CTPS1: variants seen among roughly 807,000 people sequenced by gnomAD.
CTPS1 encodes CTP synthetase 1.
A neutral mutation model predicts 80.5 loss-of-function variants in CTPS1; 25 were observed. That is an observed-to-expected ratio of 0.31 (90% CI 0.23 to 0.43). The LOEUF is 0.43. Ranked by LOEUF, CTPS1 falls within the 20% of genes least tolerant of loss-of-function variation. The pLI is 1.00. For missense variants in CTPS1, 442 were observed against 725.7 expected (o/e 0.61, Z 4.49); for synonymous variants, 267 against 252.5 (o/e 1.06, Z -0.54).
chr1:41,000,995 G>C, intron 9 of CTPS1, 34 bp from the exon 10 acceptor site: 4 of 1,493,478 alleles, frequency 2.7e-6, no homozygotes, highest in Non-Finnish European at 3.7e-6. Context: ...GGGGTCACGA[G>C]CCTGCTTTTC....
At chr1:40,985,596 T>C (rs1642431587) in intron 3 of CTPS1, among the ~76,000 whole-genome samples, 1 of 152,092 alleles carries the variant, frequency 6.6e-6, no homozygotes, top group African/African-American at 2.4e-5. Context: ...ACTACTGATC[T>C]AGTATAATGG....
chr1:40,987,501 A>C (rs1642485879), intron 4 of CTPS1, 29 bp downstream of exon 4: 1 of 1,471,346 alleles, frequency 6.8e-7, no homozygotes, highest in South Asian at 1.2e-5. Flanking sequence ...CATGTGAACA[A>C]GTGTACTCAT....
At chr1:40,997,349 T>A (rs111962644) in intron 8 of CTPS1, 45 bp from the exon 9 acceptor site, 1 of 1,598,640 alleles carries the variant, frequency 6.3e-7, no homozygotes, top group East Asian at 2.2e-5. Flanking sequence ...CATGATAGCG[T>A]GTACCTTCTG....
At chr1:40,992,752 G>A (rs894149324) in intron 7 of CTPS1, among the ~76,000 whole-genome samples, 17 of 148,504 alleles carry the variant, frequency 1.1e-4, no homozygotes, top group Non-Finnish European at 1.0e-4. Flanking sequence ...GTGCAGTGGC[G>A]CGATCTTTTT....
At chr1:41,009,091 C>T (rs1643105021) in intron 16 of CTPS1, among the ~76,000 whole-genome samples, 1 of 152,148 alleles carries the variant, frequency 6.6e-6, no homozygotes, top group Non-Finnish European at 1.5e-5. Context: ...CTCGGGGAGC[C>T]ATTTAACTTC....
chr1:41,001,783 C>T (rs2148412096), intron 10 of CTPS1, among the ~76,000 whole-genome samples: 1 of 152,160 alleles, frequency 6.6e-6, no homozygotes, highest in South Asian at 2.1e-4. Context: ...GTGGTCCCAG[C>T]TCCTTGGGAG....
intron 8 of CTPS1, chr1:40,997,106 T>C (rs1462532065): frequency 6.5e-6 from 2 of 308,826 alleles, no homozygotes; most frequent in African/African-American, 2.2e-5. Flanking sequence ...ATTCCCGTTA[T>C]ATTCTTCCCA....
At chr1:40,996,431 G>A (rs1055278677) in intron 8 of CTPS1, among the ~76,000 whole-genome samples, 1 of 152,178 alleles carries the variant, frequency 6.6e-6, no homozygotes, top group African/African-American at 2.4e-5. Flanking sequence ...GCACTCCTGG[G>A]TACCACTCCA....
rs746188198 is a variant in CTPS1 at position 40,997,410 on chromosome 1, G to A, written c.889G>A (p.Glu297Lys). 3 of 1,613,524 alleles carry A rather than the reference G, an allele frequency of 1.9e-6. No homozygotes were observed. The highest frequency in any genetic ancestry group is 1.3e-5 in the African/African-American group (1 of 74,874). ...EMADRYDRLL[E>K]TCSIALVGKY... ...ATTTGATAGATATGATCGCTTGCTG[G>A]AGACCTGCTCTATTGCCCTTGTGGG... Residue 297 changes from glutamate to lysine, a missense_variant, in exon 9 of 19, where the codon GAG becomes AAG. Glu to Lys is a moderately conservative substitution (Grantham distance 56, BLOSUM62 1). Around this residue, in one of 4 missense-constraint regions of CTPS1, gnomAD observed 321 missense variants for 467.2 expected, o/e 0.69. Coordinates refer to ENST00000650070, the MANE Select transcript of CTPS1 (RefSeq NM_001905.4).
At chr1:40,984,058 G>T (rs138120395) in intron 2 of CTPS1, among the ~76,000 whole-genome samples, 2 of 152,292 alleles carry the variant, frequency 1.3e-5, no homozygotes, top group East Asian at 3.9e-4. Flanking sequence ...CTACTCTCTA[G>T]CGTTGAGGTG....
rs1391097831 is a variant in CTPS1 at position 41,008,884 on chromosome 1, T to G, written c.1540T>G (p.Leu514Val). ...AGGAGAGAGAATGGAAATTGTGGAGTTAGAAGGTGATTATTCGGGCAGTTT... is the reference window on the plus strand; with the variant it reads ...AGGAGAGAGAATGGAAATTGTGGAGGTAGAAGGTGATTATTCGGGCAGTTT... ...VEGERMEIVE[L>V]EDHPFFVGVQ... Residue 514 changes from leucine (L) to valine (V), a missense_variant, in exon 16 of 19, where the codon TTA becomes GTA. By Grantham distance (32) the Leu-to-Val change is conservative (BLOSUM62 1). Transcript: ENST00000650070. 1 of 1,612,370 alleles carries G rather than the reference T, an allele frequency of 6.2e-7. No individual in the cohort carries two copies. The highest frequency in any genetic ancestry group is 2.2e-5 in the East Asian group (1 of 44,874).
At chr1:40,998,470 A>G (rs916465727) in intron 9 of CTPS1, among the ~76,000 whole-genome samples, 2 of 150,686 alleles carry the variant, frequency 1.3e-5, no homozygotes, top group Admixed American at 6.6e-5. Context: ...TAGCTCTGTC[A>G]TCTACAAGCG....
intron 18 of CTPS1, among the ~76,000 whole-genome samples, chr1:41,011,234 A>T (rs1267089248): frequency 1.3e-5 from 2 of 152,198 alleles, no homozygotes; most frequent in East Asian, 3.8e-4. Flanking sequence ...TGTGCTAGGT[A>T]AGCGTTTAAC....
At chr1:40,984,315 C>T (rs541103163) in intron 2 of CTPS1, among the ~76,000 whole-genome samples, 17 of 152,196 alleles carry the variant, frequency 1.1e-4, no homozygotes, top group African/African-American at 3.6e-4. Flanking sequence ...GAATGTGCAA[C>T]AAAAGAATGG....
intron 5 of CTPS1, among the ~76,000 whole-genome samples, chr1:40,990,293 C>T (rs2148396392): frequency 6.6e-6 from 1 of 152,284 alleles, no homozygotes; most frequent in Admixed American, 6.5e-5. Flanking sequence ...ACATCAGTTT[C>T]TGGGTTGAAA....
chr1:41,004,374 G>A (rs1218126727), intron 12 of CTPS1: 1 of 152,280 alleles, frequency 6.6e-6, no homozygotes, highest in African/African-American at 2.4e-5. Flanking sequence ...GTGTGGCTTA[G>A]TTTGGTAGAC....
chr1:40,996,102 C>T, intron 8 of CTPS1, 34 bp downstream of exon 8: 2 of 1,612,886 alleles, frequency 1.2e-6, no homozygotes, highest in African/African-American at 1.3e-5. Context: ...GAGTGCTAGC[C>T]TCCTTTACTC....
intron 3 of CTPS1, among the ~76,000 whole-genome samples, chr1:40,986,477 A>G (rs1286060802): frequency 6.6e-6 from 1 of 152,230 alleles, no homozygotes; most frequent in Non-Finnish European, 1.5e-5. Flanking sequence ...GAGGAGTGGG[A>G]AGCCACCGAA....
chr1:41,006,750 A>G (rs756839061), intron 13 of CTPS1, among the ~76,000 whole-genome samples: 2 of 152,336 alleles, frequency 1.3e-5, no homozygotes, highest in African/African-American at 2.4e-5. Context: ...GTGAATGCGT[A>G]CTATATGCTG....
Sources: allele counts gnomAD v4.1 joint callset (sites outside exome capture counted in the v4.1 genomes callset), GRCh38; gene constraint gnomAD v4.1.1; regional missense constraint gnomAD v4.1.1; transcripts MANE v1.5; gene names NCBI Gene and HGNC (gene_info 2026-07-23, HGNC 2026-07-21).